ADARB2: variants seen among roughly 807,000 people sequenced by gnomAD.
ADARB2 encodes the protein inactive double-stranded RNA-specific editase B2.
A neutral mutation model predicts 62.2 loss-of-function variants in ADARB2; 25 were observed. That is an observed-to-expected ratio of 0.40 (90% CI 0.29 to 0.56). ADARB2 has a LOEUF of 0.56. Ranked by LOEUF, ADARB2 falls within the 20% of genes least tolerant of loss-of-function variation. ADARB2 has a pLI of 0.43. For missense variants in ADARB2, 1,071 were observed against 1,077.4 expected (o/e 0.99, Z 0.08); for synonymous variants, 572 against 500.8 (o/e 1.14, Z -1.90).
rs550459417 is a variant in ADARB2 at position 1,521,420 on chromosome 10, C to CA, written c.101-142261_101-142260insT. Among the ~76,000 whole-genome samples the CA allele has an allele frequency of 5.6e-3, 848 of 152,302 alleles. 9 individuals are homozygous for CA. Among genetic ancestry groups the CA allele is most frequent in the Admixed American group, 9.2e-3 (140 of 15,296 alleles). The stretch of plus-strand genomic sequence containing the variant: ...CCCTATGTAAACCAAAAATAACATT[C>CA]TAAGGCCCCCTAAGCTTCTGAATGC... On this transcript the variant is annotated intron_variant, in intron 1 of 9. Coordinates refer to ENST00000381312, the MANE Select transcript of ADARB2 (RefSeq NM_018702.4).
At chr10:1,235,191 G>C (rs1420162117) in intron 5 of ADARB2, among the ~76,000 whole-genome samples, 2 of 148,172 alleles carry the variant, frequency 1.3e-5, no homozygotes, top group Non-Finnish European at 3.0e-5. Flanking sequence ...AGCCTGAGTG[G>C]GCAGCTTGTG....
chr10:1,658,055 ACT>A (rs1834194494), intron 1 of ADARB2, among the ~76,000 whole-genome samples: 1 of 148,780 alleles, frequency 6.7e-6, no homozygotes, highest in African/African-American at 2.5e-5. Context: ...TTCTGTCTCT[ACT>A]GTCTCTCTCT....
chr10:1,358,221 G>A (rs1048921222), intron 3 of ADARB2, among the ~76,000 whole-genome samples: 1 of 152,176 alleles, frequency 6.6e-6, no homozygotes, highest in Admixed American at 6.5e-5. Context: ...TTCTTGGTGT[G>A]GGGACAGAGG....
At chr10:1,187,607 A>G (rs1316507144) in intron 8 of ADARB2, among the ~76,000 whole-genome samples, 1 of 152,172 alleles carries the variant, frequency 6.6e-6, no homozygotes, top group Admixed American at 6.5e-5. Flanking sequence ...GTTGTGGGCA[A>G]GTTGCTGCTA....
intron 1 of ADARB2, among the ~76,000 whole-genome samples, chr10:1,724,236 G>A (rs1835135009): frequency 6.6e-6 from 1 of 152,204 alleles, no homozygotes; most frequent in East Asian, 1.9e-4. Flanking sequence ...TTTTTCTGCT[G>A]CTGGCTTTTC....
At chr10:1,410,358 T>C (rs34954029) in intron 1 of ADARB2, among the ~76,000 whole-genome samples, 1 of 151,774 alleles carries the variant, frequency 6.6e-6, no homozygotes, top group Non-Finnish European at 1.5e-5. Context: ...GCTGTGGTCA[T>C]GGGGAAGGAT....
chr10:1,310,639 C>T (rs1257822468), intron 3 of ADARB2, among the ~76,000 whole-genome samples: 2 of 152,174 alleles, frequency 1.3e-5, no homozygotes, highest in African/African-American at 4.8e-5. Flanking sequence ...ACAGTGGAGG[C>T]TGCTGCGCTC....
chr10:1,537,770 C>T (rs1832352202), intron 1 of ADARB2, among the ~76,000 whole-genome samples: 1 of 152,098 alleles, frequency 6.6e-6, no homozygotes, highest in Non-Finnish European at 1.5e-5. Context: ...AATGAGAACA[C>T]ATGGACACAG....
chr10:1,430,399 A>T (rs1830766819), intron 1 of ADARB2, among the ~76,000 whole-genome samples: 1 of 152,256 alleles, frequency 6.6e-6, no homozygotes, highest in African/African-American at 2.4e-5. Context: ...GTCAATAATT[A>T]TGCTAATTGT....
chr10:1,217,107 T>TTGC lies in ADARB2; in HGVS notation c.1523_1525dup (p.Ser508dup). The TTGC allele has an allele frequency of 1.3e-6, 2 of 1,598,770 alleles. No individual in the cohort carries two copies. Among genetic ancestry groups the TTGC allele is most frequent in the Non-Finnish European group, 1.7e-6 (2 of 1,173,160 alleles). On this transcript the variant is annotated inframe_insertion, in exon 7 of 10. Coordinates refer to ENST00000381312, the MANE Select transcript of ADARB2 (RefSeq NM_018702.4). ...CCCGCGGAACTTCCTGACGAGGTGT[T>TTGC]TGCTGCTGTGCACTAGGAGATAAAA...
intron 1 of ADARB2, among the ~76,000 whole-genome samples, chr10:1,695,538 A>G (rs952914388): frequency 6.6e-5 from 10 of 152,242 alleles, no homozygotes; most frequent in Admixed American, 5.9e-4. Flanking sequence ...CTATGGAGAT[A>G]AAGAGGCAGA....
At chr10:1,311,532 T>C (rs990956350) in intron 3 of ADARB2, among the ~76,000 whole-genome samples, 3 of 152,168 alleles carry the variant, frequency 2.0e-5, no homozygotes, top group Admixed American at 6.5e-5. Context: ...GCATCTTCCA[T>C]GTTCAGATAC....
chr10:1,694,402 A>C (rs1834711719), intron 1 of ADARB2, among the ~76,000 whole-genome samples: 1 of 152,218 alleles, frequency 6.6e-6, no homozygotes, highest in South Asian at 2.1e-4. Flanking sequence ...GTGTGTATAC[A>C]ATGTGTATGC....
At chr10:1,624,143 G>T (rs552854617) in intron 1 of ADARB2, among the ~76,000 whole-genome samples, 20 of 151,990 alleles carry the variant, frequency 1.3e-4, no homozygotes, top group Admixed American at 3.9e-4. Flanking sequence ...CTGAGGTGGG[G>T]GTATCACCTG....
intron 2 of ADARB2, among the ~76,000 whole-genome samples, chr10:1,366,723 T>C (rs1832316855): frequency 6.6e-6 from 1 of 152,202 alleles, no homozygotes; most frequent in South Asian, 2.1e-4. Flanking sequence ...CTATGTACAG[T>C]AACACCCTTT....
chr10:1,242,185 A>G lies in ADARB2; in HGVS notation c.1307T>C (p.Val436Ala). The change falls in exon 5 of 10, where the codon GTG becomes GCG. Residue 436 changes from valine to alanine, a missense_variant. Transcript: ENST00000381312. The stretch of plus-strand genomic sequence containing the variant: ...GAAGTGCAGGAACGCCCGCCGGGCC[A>G]CGACCTCCGCGTGGCAGTCATTCAC... ...LVVNDCHAEV[V>A]ARRAFLHFLY... 1 of 1,610,880 alleles carries G rather than the reference A, an allele frequency of 6.2e-7. No individual in the cohort carries two copies. The highest frequency in any genetic ancestry group is 1.3e-5 in the African/African-American group (1 of 75,028).
chr10:1,199,951 G>A lies in ADARB2; in HGVS notation c.1864+15C>T, dbSNP rs1297662867. The A allele has an allele frequency of 6.6e-7, 1 of 1,511,566 alleles. No individual in the cohort carries two copies. The highest frequency in any genetic ancestry group is 8.8e-7 in the Non-Finnish European group (1 of 1,131,574). 93.6% of individuals were successfully genotyped at this position (1,511,566 alleles called of 1,614,324 possible). On this transcript the variant is annotated intron_variant, in intron 8 of 9. Coordinates refer to ENST00000381312, the MANE Select transcript of ADARB2 (RefSeq NM_018702.4). ...TGGGAAGGAGGTGGAGGGCCCCCGG[G>A]AAGGGGGTTCTTACCGCTGAGGAGA...
chr10:1,643,291 G>A (rs543463735), intron 1 of ADARB2, among the ~76,000 whole-genome samples: 8 of 152,324 alleles, frequency 5.3e-5, no homozygotes, highest in Admixed American at 1.3e-4. Context: ...CTTTTGCAGC[G>A]TTTTCAGTAC....
intron 3 of ADARB2, among the ~76,000 whole-genome samples, chr10:1,297,702 A>C (rs1385735226): frequency 2.6e-5 from 4 of 152,212 alleles, no homozygotes; most frequent in African/African-American, 9.6e-5. Context: ...CGCCAGCCTC[A>C]TACAGCCTGT....
Sources: allele counts gnomAD v4.1 joint callset (sites outside exome capture counted in the v4.1 genomes callset), GRCh38; gene constraint gnomAD v4.1.1; transcripts MANE v1.5; gene names NCBI Gene and HGNC (gene_info 2026-07-23, HGNC 2026-07-21).